CPSF2: variants seen among roughly 807,000 people sequenced by gnomAD.
CPSF2 encodes cleavage and polyadenylation specificity factor subunit 2.
CPSF2 carries 51 observed loss-of-function variants against 84.2 expected under a neutral mutation model. The observed-to-expected ratio is 0.61, with a 90% CI of 0.48 to 0.77. The LOEUF is 0.77. Ranked by LOEUF, CPSF2 falls within the 30% of genes least tolerant of loss-of-function variation. CPSF2 has a pLI of 0.00. For synonymous variants in CPSF2, 286 were observed against 311.9 expected (o/e 0.92, Z 0.87); for missense variants, 641 against 929.4 (o/e 0.69, Z 4.03).
At chr14:92,142,942 G>C (rs2141466277) in intron 8 of CPSF2, 62 bp from the exon 9 acceptor site, 1 of 1,349,604 alleles carries the variant, frequency 7.4e-7, no homozygotes, top group Non-Finnish European at 1.0e-6. Context: ...TTGACTATTA[G>C]AGAATATATT....
intron 9 of CPSF2, among the ~76,000 whole-genome samples, chr14:92,143,665 G>T (rs11848567): frequency 0.099 from 15,043 of 152,188 alleles, 826 homozygotes; most frequent in East Asian, 0.15. Context: ...GAGTGCAGTG[G>T]TGCTATCATA....
intron 6 of CPSF2, among the ~76,000 whole-genome samples, chr14:92,137,910 T>C (rs929453129): frequency 6.6e-6 from 1 of 152,038 alleles, no homozygotes; most frequent in South Asian, 2.1e-4. Context: ...AAAATACATA[T>C]GTATATCAGT....
chr14:92,133,715 C>T (rs2068964194), intron 3 of CPSF2, among the ~76,000 whole-genome samples: 1 of 152,002 alleles, frequency 6.6e-6, no homozygotes. Context: ...ATTTGCCTGC[C>T]TTGGCCTCCC....
chr14:92,138,358 T>G lies in CPSF2; in HGVS notation c.661+11T>G. Reference sequence around the variant, plus strand: ...ATGAGCAGCTTCTGAGTACGTATTCTTTCACGTCCTTATTATTATTATTAT... The same window carrying G: ...ATGAGCAGCTTCTGAGTACGTATTCGTTCACGTCCTTATTATTATTATTAT... On this transcript the variant is annotated intron_variant, in intron 7 of 15. Transcript: ENST00000298875. The G allele has an allele frequency of 7.9e-7, 1 of 1,265,268 alleles. No individual in the cohort carries two copies. The highest frequency in any genetic ancestry group is 1.1e-6 in the Non-Finnish European group (1 of 900,566). The allele number at this position is 1,265,268 out of a possible 1,614,324, so 78.4% of individuals were successfully genotyped here.
chr14:92,167,854 A>G lies in CPSF2; in HGVS notation c.*6110A>G, dbSNP rs1172868556. 1 of 150,592 alleles carries G rather than the reference A, an allele frequency of 6.6e-6. No homozygotes were observed. The highest frequency in any genetic ancestry group is 2.0e-4 in the East Asian group (1 of 5,110). The allele number at this position is 150,592 out of a possible 1,614,324, so 9.3% of individuals were successfully genotyped here. On this transcript the variant is annotated 3_prime_UTR_variant, in exon 16 of 16. Coordinates refer to ENST00000298875, the MANE Select transcript of CPSF2 (RefSeq NM_017437.3). ...TGATTATCACTTAAAGGGTATAAAC[A>G]GTGGGTAGTAATTCAGTGATTGAGA...
rs937681918 is a variant in CPSF2 at position 92,169,455 on chromosome 14, A to T, written c.*7711A>T. On this transcript the variant is annotated 3_prime_UTR_variant, in exon 16 of 16. Coordinates refer to ENST00000298875, the MANE Select transcript of CPSF2 (RefSeq NM_017437.3). ...ATACAAGTAGTGGAATTATACTTTTATAAAGTATCAAATTATGTAGATGAT... is the reference window on the plus strand; with the variant it reads ...ATACAAGTAGTGGAATTATACTTTTTTAAAGTATCAAATTATGTAGATGAT... 6.6e-6 allele frequency: 1 copy of T among 152,232 alleles called. No homozygotes were observed. Among genetic ancestry groups the T allele is most frequent in the Non-Finnish European group, 1.5e-5 (1 of 68,044 alleles). The allele number at this position is 152,232 out of a possible 1,614,324, so 9.4% of individuals were successfully genotyped here. A position where few individuals can be genotyped will look rare whatever the true frequency, so the allele number is the denominator to read the frequency against.
intron 2 of CPSF2, among the ~76,000 whole-genome samples, chr14:92,127,349 G>T (rs2068856570): frequency 6.6e-6 from 1 of 152,140 alleles, no homozygotes; most frequent in Admixed American, 6.6e-5. Context: ...AAAAGTTAGA[G>T]GTTTTGGTCA....
chr14:92,159,306 G>A, intron 14 of CPSF2, 24 bp downstream of exon 14: 2 of 1,535,724 alleles, frequency 1.3e-6, no homozygotes, highest in Non-Finnish European at 1.8e-6. Context: ...GTGCTTTTTT[G>A]ATTTCTTCCT....
intron 9 of CPSF2, among the ~76,000 whole-genome samples, chr14:92,151,274 G>A (rs915565265): frequency 5.3e-5 from 8 of 151,888 alleles, no homozygotes; most frequent in Middle Eastern, 3.2e-3. Context: ...ATCTGTGGTC[G>A]CAGCTATTCA....
At position 92,133,180 on chromosome 14, in the gene CPSF2, G is replaced by A. The variant is rs142437270; in HGVS notation, c.150-831G>A. ...CACCCCTGTAATCTCAGCACTTTGG[G>A]AGGCCGAGGTGGGCGGATCACCTGA... is the stretch of plus-strand genomic sequence containing the variant. On this transcript the variant is annotated intron_variant, in intron 3 of 15. Coordinates refer to ENST00000298875, the MANE Select transcript of CPSF2 (RefSeq NM_017437.3). 7.3e-3 allele frequency among the ~76,000 whole-genome samples: 1,111 copies of A among 152,282 alleles called. 5 individuals are homozygous for A. Among genetic ancestry groups the A allele is most frequent in the Non-Finnish European group, 0.011 (724 of 68,022 alleles).
rs1000066590 is a variant in CPSF2 at position 92,122,001 on chromosome 14, C to G, written c.-221C>G. The G allele has an allele frequency of 4.5e-6, 3 of 661,376 alleles. No individual in the cohort carries two copies. Among genetic ancestry groups the G allele is most frequent in the Non-Finnish European group, 7.7e-6 (3 of 387,530 alleles). The allele number at this position is 661,376 out of a possible 1,614,324, so 41.0% of individuals were successfully genotyped here. A position where few individuals can be genotyped will look rare whatever the true frequency, so the allele number is the denominator to read the frequency against. ...TCCAGCTCCAAAATGGCGGCTGCCACTGTGGGGCTTCTGCCGGCCGGTAGT... is the reference window on the plus strand; with the variant it reads ...TCCAGCTCCAAAATGGCGGCTGCCAGTGTGGGGCTTCTGCCGGCCGGTAGT... On this transcript the variant is annotated 5_prime_UTR_variant, in exon 1 of 16. Transcript: ENST00000298875.
In CPSF2 at chr14:92,166,210, T is replaced by G. The variant is rs2069445232; in HGVS notation, c.*4466T>G. Reference sequence around the variant, plus strand: ...TTCCTTCATTCAAAGTCACGAAGGTTTACACTTAATTTTTTTCTATCTAAA... The same window carrying G: ...TTCCTTCATTCAAAGTCACGAAGGTGTACACTTAATTTTTTTCTATCTAAA... On this transcript the variant is annotated 3_prime_UTR_variant, in exon 16 of 16. Transcript: ENST00000298875. 1 of 152,124 alleles carries G rather than the reference T, an allele frequency of 6.6e-6. No homozygotes were observed. Among genetic ancestry groups the G allele is most frequent in the African/African-American group, 2.4e-5 (1 of 41,424 alleles). The allele number at this position is 152,124 out of a possible 1,614,324, so 9.4% of individuals were successfully genotyped here.
In CPSF2 at chr14:92,142,122, T is replaced by TA. The variant is rs764584806; in HGVS notation, c.662-41dup. On this transcript the variant is annotated intron_variant, in intron 7 of 15. Coordinates refer to ENST00000298875, the MANE Select transcript of CPSF2 (RefSeq NM_017437.3). Reference sequence around the variant, plus strand: ...AATTATCTTTAATTTTGTAGCATAGTATTGTTACGTTCTATGGGGATTTTA... The same window carrying TA: ...AATTATCTTTAATTTTGTAGCATAGTAATTGTTACGTTCTATGGGGATTTTA... 12 of 1,396,360 alleles carry TA rather than the reference T, an allele frequency of 8.6e-6. No homozygotes were observed. In the South Asian group the frequency reaches 1.7e-4, roughly 20 times the overall value. The allele number at this position is 1,396,360 out of a possible 1,614,324, so 86.5% of individuals were successfully genotyped here. A position where few individuals can be genotyped will look rare whatever the true frequency, so the allele number is the denominator to read the frequency against.
rs1283913415 is a variant in CPSF2 at position 92,166,084 on chromosome 14, ACTC to A, written c.*4343_*4345del. The stretch of plus-strand genomic sequence containing the variant: ...GCCATGTTGGCCAGGCTGGTCCTGA[ACTC>A]CTAACCTCAAGTGATCCACCAACCT... On this transcript the variant is annotated 3_prime_UTR_variant, in exon 16 of 16. Transcript: ENST00000298875. The A allele has an allele frequency of 6.6e-6, 1 of 151,258 alleles. No individual in the cohort carries two copies. The highest frequency in any genetic ancestry group is 2.4e-5 in the African/African-American group (1 of 41,142). The allele number at this position is 151,258 out of a possible 1,614,324, so 9.4% of individuals were successfully genotyped here.
In CPSF2 at chr14:92,154,390, A is replaced by G. The variant is rs1468823743; in HGVS notation, c.1173A>G (p.Glu391=). The change falls in exon 10 of 16, where the codon GAA becomes GAG. Residue 391 remains glutamate (E), a synonymous_variant. Coordinates refer to ENST00000298875, the MANE Select transcript of CPSF2 (RefSeq NM_017437.3). ...AACGTGTGAAGCTTGAAGGGAAAGA[A>G]CTTGAAGAATACTTGGAAAAAGAGA... ...LRKRVKLEGK[E]LEEYLEKEKL... The G allele has an allele frequency of 6.2e-7, 1 of 1,609,750 alleles. No homozygotes were observed. Among genetic ancestry groups the G allele is most frequent in the East Asian group, 2.2e-5 (1 of 44,776 alleles).
In CPSF2 at chr14:92,168,119, G is replaced by C. The variant is rs941122219; in HGVS notation, c.*6375G>C. On this transcript the variant is annotated 3_prime_UTR_variant, in exon 16 of 16. Transcript: ENST00000298875. ...AAAAATTAGTCAGGTGTGGTGACGG[G>C]TGCCTATAATCCCAGCTACTTGGGA... 6.6e-6 allele frequency: 1 copy of C among 151,696 alleles called. No individual in the cohort carries two copies. Among genetic ancestry groups the C allele is most frequent in the African/African-American group, 2.4e-5 (1 of 41,246 alleles). The allele number at this position is 151,696 out of a possible 1,614,324, so 9.4% of individuals were successfully genotyped here.
chr14:92,169,651 T>TTTTTTTGAGACA lies in CPSF2; in HGVS notation c.*7913_*7914insGAGACATTTTTT, dbSNP rs2069494572. 5.2e-5 allele frequency: 2 copies of TTTTTTTGAGACA among 38,320 alleles called. No individual in the cohort carries two copies. The highest frequency in any genetic ancestry group is 3.4e-4 in the African/African-American group (2 of 5,808). The allele number at this position is 38,320 out of a possible 1,614,324, so 2.4% of individuals were successfully genotyped here. A position where few individuals can be genotyped will look rare whatever the true frequency, so the allele number is the denominator to read the frequency against. On this transcript the variant is annotated 3_prime_UTR_variant, in exon 16 of 16. Transcript: ENST00000298875. Reference sequence around the variant, plus strand: ...TCTTAAGGTTTTTCTTATATGTGATTTTTTTTTTTTTTTTTTTTTTGAGAC... The same window carrying TTTTTTTGAGACA: ...TCTTAAGGTTTTTCTTATATGTGATTTTTTTTGAGACATTTTTTTTTTTTTTTTTTTTGAGAC...
intron 1 of CPSF2, among the ~76,000 whole-genome samples, chr14:92,122,654 C>T (rs72691112): frequency 0.044 from 6,671 of 152,288 alleles, 214 homozygotes; most frequent in Non-Finnish European, 0.065. Context: ...CGCCATCGCC[C>T]TCCAGCGCTT....
chr14:92,158,874 T>A (rs1303983997), intron 13 of CPSF2, 109 bp from the exon 14 acceptor site: 6 of 1,016,766 alleles, frequency 5.9e-6, no homozygotes, highest in Non-Finnish European at 8.4e-6. Flanking sequence ...GTGAAAGATT[T>A]TCCAATTTTA....
Sources: gnomAD v4.1 joint callset for allele counts (sites outside exome capture counted in the v4.1 genomes callset) on GRCh38, gnomAD v4.1.1 for gene constraint, MANE v1.5 for transcripts, NCBI Gene and HGNC (gene_info 2026-07-23, HGNC 2026-07-21) for gene names.